SLC12A1: variants seen among roughly 807,000 people sequenced by gnomAD.
The protein encoded by SLC12A1 is Na-K-2Cl cotransporter.
Under a neutral mutation model 130.4 loss-of-function variants are expected in SLC12A1, and 89 were observed. The observed-to-expected ratio is 0.68, with a 90% CI of 0.58 to 0.81. The LOEUF is 0.81. Among genes scored for constraint, SLC12A1 ranks in the 40% least tolerant of loss-of-function variants. The pLI, the probability that SLC12A1 is intolerant of heterozygous loss-of-function variation, is 0.00. For synonymous variants in SLC12A1, 499 were observed against 460.0 expected, an observed-to-expected ratio of 1.08 and a Z score of -1.09; for missense variants, 1,310 against 1,336.4, an observed-to-expected ratio of 0.98 and a Z score of 0.31.
intron 20 of SLC12A1, among the ~76,000 whole-genome samples, chr15:48,279,606 C>T (rs1394272364): frequency 1.3e-5 from 2 of 152,106 alleles, no homozygotes. Flanking sequence ...TAAATTATTG[C>T]CTGACAACAC....
Position 48,299,224 on chromosome 15 carries a change from A to G in SLC12A1, c.3045A>G (p.Arg1015=). ...TAACAACTGCTGAGAAATTAAAAAG[A>G]GAAACTCCGTGGAAAATTACAGATG... is the stretch of plus-strand genomic sequence containing the variant. ...KDLTTAEKLK[R]ETPWKITDAE... Residue 1015 remains arginine, a synonymous_variant, in exon 25 of 27, where the codon AGA becomes AGG. Transcript: ENST00000380993. 1 of 1,609,426 alleles carries G rather than the reference A, an allele frequency of 6.2e-7. No homozygotes were observed. Among genetic ancestry groups the G allele is most frequent in the Non-Finnish European group, 8.5e-7 (1 of 1,178,590 alleles).
chr15:48,280,015 GA>G (rs936729579), intron 20 of SLC12A1, among the ~76,000 whole-genome samples: 9 of 151,934 alleles, frequency 5.9e-5, no homozygotes, highest in Admixed American at 1.3e-4. Context: ...AATTAATAAA[GA>G]AAAAGGATGC....
intron 23 of SLC12A1, among the ~76,000 whole-genome samples, chr15:48,290,308 CAA>C (rs2042105936): frequency 6.6e-6 from 1 of 152,156 alleles, no homozygotes; most frequent in Non-Finnish European, 1.5e-5. Flanking sequence ...CCTGTGAAAA[CAA>C]AGCTTCCTCT....
chr15:48,302,246 A>T (rs924523627), intron 26 of SLC12A1, among the ~76,000 whole-genome samples: 1 of 152,212 alleles, frequency 6.6e-6, no homozygotes, highest in African/African-American at 2.4e-5. Context: ...TGGTTTATAG[A>T]TAGTATTACC....
chr15:48,277,290 G>C (rs910733426), intron 20 of SLC12A1, among the ~76,000 whole-genome samples: 2 of 151,630 alleles, frequency 1.3e-5, no homozygotes, highest in South Asian at 4.2e-4. Flanking sequence ...GAATGGAAGA[G>C]TTGGCCTGAA....
At chr15:48,263,810 A>C (rs910653448) in intron 17 of SLC12A1, among the ~76,000 whole-genome samples, 1 of 151,996 alleles carries the variant, frequency 6.6e-6, no homozygotes, top group Non-Finnish European at 1.5e-5. Context: ...CTCCCACCTC[A>C]GCCTTCCCAG....
Position 48,288,169 on chromosome 15 carries a change from A to G in SLC12A1, c.2756A>G (p.Asp919Gly), listed in dbSNP as rs1346160152. Residue 919 changes from aspartate to glycine, a missense_variant, in exon 22 of 27, where the codon GAT becomes GGT. Physicochemically the swap from Asp to Gly is moderately conservative, Grantham distance 94. Coordinates refer to ENST00000380993, the MANE Select transcript of SLC12A1 (RefSeq NM_000338.3). ...ATTGATGTTTGGTGGTTGTTTGATGATGGAGGTAAAAACTTTCAGAAAATA... is the reference window on the plus strand; with the variant it reads ...ATTGATGTTTGGTGGTTGTTTGATGGTGGAGGTAAAAACTTTCAGAAAATA... ...GTIDVWWLFD[D>G]GGLTLLIPYI... The G allele has an allele frequency of 5.6e-6, 9 of 1,608,224 alleles. No homozygotes were observed. In the Admixed American group the frequency reaches 1.0e-4, roughly 18 times the overall value.
rs1182898303 is a variant in SLC12A1, at chr15:48,255,863, C to T, written c.1995C>T (p.Asp665=). The change falls in exon 16 of 27, where the codon GAC becomes GAT. Residue 665 remains aspartate (D), a synonymous_variant. Transcript: ENST00000380993. Reference sequence around the variant, plus strand: ...CTCTTTCCTACGTGAGTGCTTTAGACAATGCTCTGGAATTAACCACAGTGG... The same window carrying T: ...CTCTTTCCTACGTGAGTGCTTTAGATAATGCTCTGGAATTAACCACAGTGG... ...TQALSYVSAL[D]NALELTTVED... is the part of the protein sequence containing the mutation. 2 of 1,607,600 alleles carry T rather than the reference C, an allele frequency of 1.2e-6. No homozygotes were observed. Among genetic ancestry groups the T allele is most frequent in the South Asian group, 1.1e-5 (1 of 89,270 alleles).
rs952342201 is a variant in SLC12A1 at position 48,221,574 on chromosome 15, T to A, written c.628+578T>A. On this transcript the variant is annotated intron_variant, in intron 4 of 26. Transcript: ENST00000380993. ...TAAGATAATATGTGCATTACTGTTA[T>A]TTTTTTCTAAATGAAAAATGGATAA... 9.7e-5 allele frequency: 43 copies of A among 442,594 alleles called. No homozygotes were observed. The East Asian group carries it at 1.4e-3, about 15-fold the overall frequency. 27.4% of individuals were successfully genotyped at this position (442,594 alleles called of 1,614,324 possible).
At chr15:48,272,618 G>C (rs1357224699) in intron 19 of SLC12A1, among the ~76,000 whole-genome samples, 1 of 152,010 alleles carries the variant, frequency 6.6e-6, no homozygotes, top group Admixed American at 6.6e-5. Context: ...AGTAGAGATG[G>C]GGTTTCACCA....
At chr15:48,217,794 T>A (rs2041142910) in intron 2 of SLC12A1, 1 of 152,158 alleles carries the variant, frequency 6.6e-6, no homozygotes, top group South Asian at 2.1e-4. Flanking sequence ...TTCAACATTG[T>A]TTTGTTATTG....
chr15:48,299,326 G>C, intron 25 of SLC12A1, 51 bp downstream of exon 25: 2 of 1,445,330 alleles, frequency 1.4e-6, no homozygotes, highest in Non-Finnish European at 1.8e-6. Flanking sequence ...GCTGAGAAAG[G>C]AAACAGTAGT....
At position 48,259,284 on chromosome 15, in the gene SLC12A1, C is replaced by T. The variant is rs759583421; in HGVS notation, c.2127C>T (p.Gly709=). Residue 709 remains glycine (G), a synonymous_variant, in exon 17 of 27, where the codon GGC becomes GGT. Transcript: ENST00000380993. ...CTCACGCCTTTACCAAGAACAGTGG[C>T]CTTTGCATCTGCTGTGAAGTCTTTG... ...DITHAFTKNS[G]LCICCEVFVG... is the part of the protein sequence containing the mutation. 6.2e-7 allele frequency: 1 copy of T among 1,613,246 alleles called. No individual in the cohort carries two copies. The highest frequency in any genetic ancestry group is 8.5e-7 in the Non-Finnish European group (1 of 1,179,216).
rs766371219 is a variant in SLC12A1 at position 48,288,090 on chromosome 15, C to G, written c.2677C>G (p.Gln893Glu). 1 of 1,611,004 alleles carries G rather than the reference C, an allele frequency of 6.2e-7. No individual in the cohort carries two copies. The highest frequency in any genetic ancestry group is 1.7e-4 in the Middle Eastern group (1 of 6,060). ...GTCGATGCATGTGGGAGAGTTCAAC[C>G]AGAAACTGGTGGAAGCCAGCACTCA... ...SQSMHVGEFN[Q>E]KLVEASTQFK... The change falls in exon 22 of 27, where the codon CAG (glutamine) becomes GAG (glutamate). Residue 893 changes from glutamine (Q) to glutamate (E), a missense_variant. Coordinates refer to ENST00000380993, the MANE Select transcript of SLC12A1 (RefSeq NM_000338.3).
chr15:48,294,343 ATC>A (rs1566859848), intron 24 of SLC12A1, among the ~76,000 whole-genome samples: 9 of 144,100 alleles, frequency 6.2e-5, no homozygotes, highest in African/African-American at 2.4e-4. Context: ...GCAAGACTAC[ATC>A]TCAAAAAAAA....
intron 24 of SLC12A1, among the ~76,000 whole-genome samples, chr15:48,292,204 G>A (rs111901867): frequency 1.2e-4 from 19 of 152,208 alleles, no homozygotes; most frequent in African/African-American, 4.6e-4. Context: ...GGCAAGTTTT[G>A]TTATTCAGAG....
chr15:48,263,007 C>T (rs1051857841), intron 17 of SLC12A1, among the ~76,000 whole-genome samples: 12 of 152,168 alleles, frequency 7.9e-5, no homozygotes, highest in African/African-American at 2.9e-4. Context: ...AACCAATCAT[C>T]CCAGATAACT....
chr15:48,288,052 T>C lies in SLC12A1; in HGVS notation c.2639T>C (p.Ile880Thr), dbSNP rs746305024. ...TCCTCTTTCGTTTCAGATGGCAGCATTAACACAAGCCAGTCGATGCATGTG... is the reference window on the plus strand; with the variant it reads ...TCCTCTTTCGTTTCAGATGGCAGCACTAACACAAGCCAGTCGATGCATGTG... ...TKTTPKKDGS[I>T]NTSQSMHVGE... Residue 880 changes from isoleucine to threonine, a missense_variant, in exon 22 of 27, where the codon ATT becomes ACT. Coordinates refer to ENST00000380993, the MANE Select transcript of SLC12A1 (RefSeq NM_000338.3). The C allele has an allele frequency of 6.2e-7, 1 of 1,610,338 alleles. No homozygotes were observed. Among genetic ancestry groups the C allele is most frequent in the Non-Finnish European group, 8.5e-7 (1 of 1,178,468 alleles).
chr15:48,299,063 C>A, intron 24 of SLC12A1, 77 bp from the exon 25 acceptor site: 1 of 1,244,390 alleles, frequency 8.0e-7, no homozygotes, highest in Non-Finnish European at 1.1e-6. Flanking sequence ...GCCAGCAGAG[C>A]CAGTCACACC....
Sources: allele counts gnomAD v4.1 joint callset (sites outside exome capture counted in the v4.1 genomes callset), GRCh38; gene constraint gnomAD v4.1.1; transcripts MANE v1.5; gene names NCBI Gene and HGNC (gene_info 2026-07-23, HGNC 2026-07-21).